HDAC9: variants seen among roughly 807,000 people sequenced by gnomAD.
HDAC9 encodes MEF-2 interacting transcription repressor (MITR) protein.
A neutral mutation model predicts 139.4 loss-of-function variants in HDAC9; 41 were observed. The ratio of observed to expected loss-of-function variants is 0.29; its 90% confidence interval spans 0.23 to 0.38. The LOEUF (loss-of-function observed/expected upper bound fraction) is 0.38, where lower values mean the gene tolerates loss of function less well. HDAC9 is among the 10% of genes least tolerant of loss of function. HDAC9 has a pLI of 1.00. For synonymous variants in HDAC9, 517 were observed against 476.2 expected (o/e 1.09, Z -1.12); for missense variants, 1,147 against 1,297.0 (o/e 0.88, Z 1.78).
In HDAC9 at chr7:18,710,098, G is replaced by A. The variant is rs1279485024; in HGVS notation, c.1732-17482G>A. ...AAAGTCACGTCTTAGGTGGCAGCAG[G>A]CAAAAGAGCATGTGCAGGGGAACTG... is the stretch of plus-strand genomic sequence containing the variant. On this transcript the variant is annotated intron_variant, in intron 12 of 25. Transcript: ENST00000686413. 2.6e-5 allele frequency among the ~76,000 whole-genome samples: 4 copies of A among 152,186 alleles called. No homozygotes were observed. The South Asian group carries it at 8.3e-4, about 32-fold the overall frequency.
rs149221692 is a variant in HDAC9, at chr7:18,977,090, C to A, written c.3170+1137C>A. 6.3e-3 allele frequency among the ~76,000 whole-genome samples: 965 copies of A among 152,268 alleles called. 6 individuals carry two copies. The highest frequency in any genetic ancestry group is 0.01 in the Non-Finnish European group (681 of 68,006). On this transcript the variant is annotated intron_variant, in intron 25 of 25. Transcript: ENST00000686413. Reference sequence around the variant, plus strand: ...CAATTATTTTCTCTTACCATAACCACTTAAACAGCAGATTAGCAATAAGGG... The same window carrying A: ...CAATTATTTTCTCTTACCATAACCAATTAAACAGCAGATTAGCAATAAGGG...
intron 12 of HDAC9, among the ~76,000 whole-genome samples, chr7:18,689,511 A>G (rs544013081): frequency 6.6e-6 from 1 of 152,036 alleles, no homozygotes; most frequent in Admixed American, 6.6e-5. Context: ...TTAGGAATAT[A>G]TTAAAAGTTC....
intron 9 of HDAC9, among the ~76,000 whole-genome samples, chr7:18,645,745 G>A (rs1787187388): frequency 6.6e-6 from 1 of 152,138 alleles, no homozygotes; most frequent in Admixed American, 6.6e-5. Flanking sequence ...GGTTTAGAGA[G>A]AAATTTATTC....
chr7:18,509,895 G>A (rs1800945392), intron 2 of HDAC9, among the ~76,000 whole-genome samples: 1 of 152,062 alleles, frequency 6.6e-6, no homozygotes. Context: ...AAGAGGAAAA[G>A]GATCATGTTT....
At chr7:18,087,113 C>T (rs979067288) in exon 1 of HDAC9, 1 of 151,360 alleles carries the variant, frequency 6.6e-6, no homozygotes, top group Non-Finnish European at 1.5e-5. Context: ...CCATTCTCTT[C>T]TCCTCCTCGA....
rs1263210566 is a variant in HDAC9, at chr7:18,850,096, AAAAAG to A, written c.2684+14104_2684+14108del. 3.9e-5 allele frequency among the ~76,000 whole-genome samples: 6 copies of A among 151,950 alleles called. No homozygotes were observed. In the East Asian group the frequency reaches 1.2e-3, roughly 29 times the overall value. ...AAAGCCTGAGTAAAAAAAAAAAAAA[AAAAAG>A]AAAACACAAATAAGCAAACACGAAG... On this transcript the variant is annotated intron_variant, in intron 21 of 25. Transcript: ENST00000686413.
At chr7:18,249,734 G>A (rs1794802007) in intron 2 of HDAC9, among the ~76,000 whole-genome samples, 1 of 151,852 alleles carries the variant, frequency 6.6e-6, no homozygotes, top group Non-Finnish European at 1.5e-5. Flanking sequence ...AAATAGTTAG[G>A]TAATTTGGTA....
chr7:18,682,672 C>T (rs942710741), intron 12 of HDAC9, among the ~76,000 whole-genome samples: 5 of 151,560 alleles, frequency 3.3e-5, no homozygotes, highest in African/African-American at 1.2e-4. Flanking sequence ...TATAACAAGA[C>T]TAAAGGTTGA....
chr7:18,613,108 A>T (rs1837620054), intron 6 of HDAC9, among the ~76,000 whole-genome samples: 1 of 148,084 alleles, frequency 6.8e-6, no homozygotes, highest in African/African-American at 2.4e-5. Flanking sequence ...ATATATAAAT[A>T]TATATAAGTA....
chr7:18,098,544 G>A (rs1477369144), intron 1 of HDAC9, among the ~76,000 whole-genome samples: 2 of 152,182 alleles, frequency 1.3e-5, no homozygotes, highest in East Asian at 3.8e-4. Context: ...GTCTAGCTTA[G>A]TAGTTCCCAA....
chr7:18,551,899 A>G (rs775409824), intron 2 of HDAC9, among the ~76,000 whole-genome samples: 9 of 152,206 alleles, frequency 5.9e-5, no homozygotes. Context: ...GCTGGATTGA[A>G]ATGTATTTTA....
chr7:18,725,720 G>A (rs932271382), intron 12 of HDAC9, among the ~76,000 whole-genome samples: 1 of 152,076 alleles, frequency 6.6e-6, no homozygotes, highest in Non-Finnish European at 1.5e-5. Flanking sequence ...TCCTTTTCCC[G>A]ACATAACCCC....
chr7:18,572,815 C>A (rs1824743949), intron 2 of HDAC9, among the ~76,000 whole-genome samples: 1 of 152,016 alleles, frequency 6.6e-6, no homozygotes, highest in South Asian at 2.1e-4. Context: ...CTGAATAAAG[C>A]TTTTACTCAG....
intron 16 of HDAC9, among the ~76,000 whole-genome samples, chr7:18,774,864 T>G (rs1790622689): frequency 6.6e-6 from 1 of 152,076 alleles, no homozygotes; most frequent in Admixed American, 6.6e-5. Context: ...GCACAACAGG[T>G]CTAGTTTTCG....
chr7:18,191,939 A>T (rs1790373912), intron 2 of HDAC9, among the ~76,000 whole-genome samples: 1 of 152,198 alleles, frequency 6.6e-6, no homozygotes, highest in Non-Finnish European at 1.5e-5. Flanking sequence ...GCCCTTGAGG[A>T]GACATTATAC....
intron 24 of HDAC9, among the ~76,000 whole-genome samples, chr7:18,962,777 C>T (rs1783609205): frequency 6.6e-6 from 1 of 152,148 alleles, no homozygotes; most frequent in South Asian, 2.1e-4. Context: ...AGATCGTTTC[C>T]TAAGTATTTA....
In HDAC9 at chr7:18,997,551, T is replaced by TCTAA. The variant is rs971478846; in HGVS notation, c.*1492_*1495dup. 1 of 152,136 alleles carries TCTAA rather than the reference T, an allele frequency of 6.6e-6. No individual in the cohort carries two copies. The highest frequency in any genetic ancestry group is 2.4e-5 in the African/African-American group (1 of 41,440). The allele number at this position is 152,136 out of a possible 1,614,324, so 9.4% of individuals were successfully genotyped here. A position where few individuals can be genotyped will look rare whatever the true frequency, so the allele number is the denominator to read the frequency against. Reference sequence around the variant, plus strand: ...GTTGATGTTTCTTTTTATATATTTTTCTAACTCAAAGGATATATTAAAGCC... The same window carrying TCTAA: ...GTTGATGTTTCTTTTTATATATTTTTCTAACTAACTCAAAGGATATATTAAAGCC... On this transcript the variant is annotated 3_prime_UTR_variant, in exon 26 of 26. Transcript: ENST00000686413.
chr7:18,679,380 T>A (rs1040292316), intron 12 of HDAC9, among the ~76,000 whole-genome samples: 3 of 151,978 alleles, frequency 2.0e-5, no homozygotes. Flanking sequence ...ACAATTACAT[T>A]GGTTAAACTA....
At chr7:18,521,780 A>G (rs1003395374) in intron 2 of HDAC9, among the ~76,000 whole-genome samples, 7 of 152,174 alleles carry the variant, frequency 4.6e-5, no homozygotes, top group Admixed American at 1.3e-4. Context: ...TTTACATTTT[A>G]CTTAGTATTG....
Sources: allele counts gnomAD v4.1 joint callset (sites outside exome capture counted in the v4.1 genomes callset), GRCh38; gene constraint gnomAD v4.1.1; transcripts MANE v1.5; gene names NCBI Gene and HGNC (gene_info 2026-07-23, HGNC 2026-07-21).